SHISA9: variants seen among roughly 807,000 people sequenced by gnomAD.
SHISA9 encodes shisa family member 9, also known as protein shisa-9.
Under a neutral mutation model 38.0 loss-of-function variants are expected in SHISA9, and 13 were observed. The observed-to-expected ratio is 0.34, with a 90% confidence interval of 0.22 to 0.54. The LOEUF (loss-of-function observed/expected upper bound fraction) is 0.54. SHISA9 is among the 20% of genes least tolerant of loss of function. SHISA9 has a pLI of 0.91. For missense variants in SHISA9, 538 were observed against 575.8 expected (o/e 0.93, Z 0.67); for synonymous variants, 275 against 242.0 (o/e 1.14, Z -1.27).
At chr16:13,448,076 C>T in the SHISA9 span, among the ~76,000 whole-genome samples, 1 of 152,186 alleles carries the variant, frequency 6.6e-6, no homozygotes, top group African/African-American at 2.4e-5. Flanking sequence ...TTAGAAATCA[C>T]CTGTCCACAT....
At chr16:13,496,323 G>A in the SHISA9 span, among the ~76,000 whole-genome samples, 1 of 151,770 alleles carries the variant, frequency 6.6e-6, no homozygotes, top group Non-Finnish European at 1.5e-5. Flanking sequence ...ATAATAATAA[G>A]GTAATGAGGT....
rs186774724 is a variant in SHISA9, at chr16:13,076,138, C to T, written c.692-127256C>T. ...CTCCACCTCCCATGTTCAAGCGATT[C>T]TCCTGCCTCAACCTCCCAAGTAGCT... On this transcript the variant is annotated intron_variant, in intron 2 of 4. Transcript: ENST00000558583. 3.2e-3 allele frequency among the ~76,000 whole-genome samples: 482 copies of T among 150,812 alleles called. 1 individual carries two copies. The highest frequency in any genetic ancestry group is 5.7e-3 in the Non-Finnish European group (384 of 67,946).
chr16:13,349,160 T>C, the SHISA9 span, among the ~76,000 whole-genome samples: 1 of 152,154 alleles, frequency 6.6e-6, no homozygotes, highest in Non-Finnish European at 1.5e-5. Context: ...ATATAGCAAA[T>C]ATCAACTCCC....
At chr16:13,418,280 A>C in the SHISA9 span, among the ~76,000 whole-genome samples, 4 of 152,212 alleles carry the variant, frequency 2.6e-5, no homozygotes, top group Non-Finnish European at 5.9e-5. Context: ...GTGGCATGAA[A>C]GAATGGCATT....
chr16:13,457,913 T>TTTCC, the SHISA9 span, among the ~76,000 whole-genome samples: 3 of 151,954 alleles, frequency 2.0e-5, no homozygotes, highest in African/African-American at 7.2e-5. Context: ...GTAAAATATT[T>TTTCC]TTCCTTCCTT....
At chr16:13,281,417 G>T in the SHISA9 span, among the ~76,000 whole-genome samples, 2 of 151,600 alleles carry the variant, frequency 1.3e-5, no homozygotes, top group African/African-American at 2.4e-5. Flanking sequence ...ATTTCAAAAT[G>T]TGCATCTTCA....
intron 4 of SHISA9, among the ~76,000 whole-genome samples, chr16:13,221,392 C>T (rs1013866812): frequency 6.6e-6 from 1 of 151,000 alleles, no homozygotes; most frequent in African/African-American, 2.4e-5. Context: ...CTGGAATCTG[C>T]ACAACTTTAT....
the SHISA9 span, among the ~76,000 whole-genome samples, chr16:13,445,300 G>A: frequency 2.0e-5 from 3 of 152,084 alleles, no homozygotes; most frequent in African/African-American, 7.2e-5. Context: ...CACAATCTCA[G>A]CACAAAGGAG....
the SHISA9 span, among the ~76,000 whole-genome samples, chr16:13,369,619 G>A: frequency 6.6e-6 from 1 of 152,056 alleles, no homozygotes; most frequent in Non-Finnish European, 1.5e-5. Context: ...CCGCTTCTCG[G>A]TGTCCACTGA....
intron 2 of SHISA9, among the ~76,000 whole-genome samples, chr16:12,986,601 C>T (rs1029018789): frequency 1.3e-5 from 2 of 152,078 alleles, no homozygotes; most frequent in African/African-American, 2.4e-5. Context: ...GGCTGAATCC[C>T]ACGGGGAAGA....
At chr16:13,189,697 G>A (rs2050863939) in intron 2 of SHISA9, among the ~76,000 whole-genome samples, 1 of 152,238 alleles carries the variant, frequency 6.6e-6, no homozygotes, top group African/African-American at 2.4e-5. Flanking sequence ...CTCAGAGTTA[G>A]TTTGGGGAAA....
the SHISA9 span, among the ~76,000 whole-genome samples, chr16:13,377,260 A>C: frequency 2.2e-4 from 34 of 152,340 alleles, 1 homozygote; most frequent in Admixed American, 7.2e-4. Context: ...CACAGGAAAG[A>C]AAGCTATGGG....
intron 2 of SHISA9, among the ~76,000 whole-genome samples, chr16:12,959,258 G>A (rs1003744259): frequency 6.6e-6 from 1 of 152,222 alleles, no homozygotes; most frequent in African/African-American, 2.4e-5. Flanking sequence ...TGCAAGACTA[G>A]AGGCATTGGA....
chr16:13,043,770 A>G (rs1596607880), intron 2 of SHISA9, among the ~76,000 whole-genome samples: 1 of 110,376 alleles, frequency 9.1e-6, no homozygotes, highest in Admixed American at 8.2e-5. Context: ...GCTTAGATTT[A>G]TTGACATTTT....
intron 2 of SHISA9, among the ~76,000 whole-genome samples, chr16:13,012,518 C>G (rs1251545731): frequency 3.3e-5 from 5 of 152,118 alleles, no homozygotes; most frequent in Non-Finnish European, 4.4e-5. Flanking sequence ...TGAGACCAAA[C>G]AACTGGACAA....
chr16:13,272,783 C>T, the SHISA9 span, among the ~76,000 whole-genome samples: 36 of 152,226 alleles, frequency 2.4e-4, no homozygotes, highest in African/African-American at 6.5e-4. Flanking sequence ...TCCTCCATCT[C>T]GGGAAAAACC....
the SHISA9 span, among the ~76,000 whole-genome samples, chr16:13,305,126 C>A: frequency 5.9e-5 from 9 of 152,124 alleles, no homozygotes; most frequent in Admixed American, 5.2e-4. Context: ...TACGTCTGAA[C>A]ACGAAATTCA....
intron 2 of SHISA9, among the ~76,000 whole-genome samples, chr16:13,165,025 T>G (rs1480910617): frequency 6.6e-6 from 1 of 152,200 alleles, no homozygotes; most frequent in Non-Finnish European, 1.5e-5. Context: ...GATTTCTGGT[T>G]GGTTTTCAGC....
At chr16:12,944,824 A>T (rs1388710782) in intron 2 of SHISA9, among the ~76,000 whole-genome samples, 1 of 152,158 alleles carries the variant, frequency 6.6e-6, no homozygotes, top group African/African-American at 2.4e-5. Context: ...CTACAAGCAG[A>T]TGCTGAGACA....
Sources: allele counts gnomAD v4.1 joint callset (sites outside exome capture counted in the v4.1 genomes callset), GRCh38; gene constraint gnomAD v4.1.1; transcripts MANE v1.5; gene names NCBI Gene and HGNC (gene_info 2026-07-23, HGNC 2026-07-21).